The following ALPK2 variants were observed in gnomAD, a reference collection of about 807,000 sequenced individuals.
ALPK2 encodes the protein alpha-protein kinase 2.
Under a neutral mutation model 163.1 loss-of-function variants are expected in ALPK2, and 127 were observed. The observed-to-expected ratio is 0.78, with a 90% CI of 0.67 to 0.90. The LOEUF (loss-of-function observed/expected upper bound fraction) is 0.90. Among genes scored for constraint, ALPK2 ranks in the 40% least tolerant of loss-of-function variants. ALPK2 has a pLI of 0.00. For synonymous variants in ALPK2, 953 were observed against 959.1 expected (o/e 0.99, Z 0.12); for missense variants, 2,360 against 2,589.6 (o/e 0.91, Z 1.92).
chr18:58,532,360 A>G (rs1402961454), intron 5 of ALPK2, among the ~76,000 whole-genome samples: 4 of 152,202 alleles, frequency 2.6e-5, no homozygotes, highest in Non-Finnish European at 5.9e-5. Context: ...CGCCAGTGGC[A>G]ACTCCTCCGA....
intron 12 of ALPK2, among the ~76,000 whole-genome samples, chr18:58,483,415 A>T (rs1234220619): frequency 6.6e-6 from 1 of 152,096 alleles, no homozygotes; most frequent in Non-Finnish European, 1.5e-5. Flanking sequence ...CAACCCATTG[A>T]CCTCTTCAGC....
intron 6 of ALPK2, among the ~76,000 whole-genome samples, 165 bp from the exon 7 acceptor site, chr18:58,524,227 A>G (rs1473592760): frequency 1.3e-5 from 2 of 152,268 alleles, no homozygotes; most frequent in Non-Finnish European, 2.9e-5. Flanking sequence ...TAATTGATTT[A>G]TCCACAGAGG....
chr18:58,513,496 G>A (rs933790584), intron 10 of ALPK2, among the ~76,000 whole-genome samples: 1 of 152,174 alleles, frequency 6.6e-6, no homozygotes, highest in Non-Finnish European at 1.5e-5. Context: ...TGCAGCAAAT[G>A]AATCAGCCTC....
rs775408776 is a variant in ALPK2, at chr18:58,580,133, A to T, written c.643T>A (p.Leu215Met). The T allele has an allele frequency of 6.2e-7, 1 of 1,614,172 alleles. No homozygotes were observed. ...PSNTEEIANG[L>M]LFLNSSHIYE... The stretch of plus-strand genomic sequence containing the variant: ...ATATGACTTGAATTAAGAAAAAGCA[A>T]CCCATTTGCAATTTCTTCTGTGTTA... The change falls in exon 4 of 13, where the codon TTG becomes ATG. Residue 215 changes from leucine (L) to methionine (M), a missense_variant. Physicochemically the swap from Leu to Met is conservative, Grantham distance 15 (BLOSUM62 2). Transcript: ENST00000361673.
Position 58,524,052 on chromosome 18 carries a change from T to C in ALPK2, c.5512A>G (p.Asn1838Asp). 4 of 1,613,610 alleles carry C rather than the reference T, an allele frequency of 2.5e-6. No homozygotes were observed. The highest frequency in any genetic ancestry group is 3.4e-6 in the Non-Finnish European group (4 of 1,179,638). Residue 1838 changes from asparagine (N) to aspartate (D), a missense_variant, in exon 7 of 13, where the codon AAC becomes GAC. Asn to Asp is a conservative substitution (Grantham distance 23). Transcript: ENST00000361673. ...ACGATGGCAAAGGAAACAGTGGAGT[T>C]GTCCCCTGCACTGCAATGAGGAATA... Reference protein sequence around the residue: ...IAQVQRSAGDNSTVSFAIVQA... With the variant: ...IAQVQRSAGDDSTVSFAIVQA...
At chr18:58,522,440 A>G (rs1304339553) in intron 8 of ALPK2, among the ~76,000 whole-genome samples, 2 of 152,228 alleles carry the variant, frequency 1.3e-5, no homozygotes, top group African/African-American at 2.4e-5. Flanking sequence ...GAGGGAAGAC[A>G]CGGCAAACAC....
chr18:58,525,912 A>T (rs1245456513), intron 6 of ALPK2, among the ~76,000 whole-genome samples: 1 of 147,102 alleles, frequency 6.8e-6, no homozygotes. Context: ...GTTCTATCCA[A>T]CATTTGTGGA....
chr18:58,560,571 C>T (rs996097210), intron 4 of ALPK2, among the ~76,000 whole-genome samples: 1 of 152,168 alleles, frequency 6.6e-6, no homozygotes, highest in Non-Finnish European at 1.5e-5. Flanking sequence ...AGTGGGACCA[C>T]CTGGGTCAAA....
intron 4 of ALPK2, among the ~76,000 whole-genome samples, chr18:58,576,143 G>A (rs1215808254): frequency 1.3e-5 from 2 of 152,210 alleles, no homozygotes; most frequent in African/African-American, 4.8e-5. Flanking sequence ...GGAGGCTGAG[G>A]TGGGTGGATC....
At chr18:58,594,703 C>T (rs1324590225) in intron 3 of ALPK2, among the ~76,000 whole-genome samples, 1 of 152,188 alleles carries the variant, frequency 6.6e-6, no homozygotes, top group Admixed American at 6.5e-5. Context: ...AACTGCAATT[C>T]CATTCTACCA....
intron 4 of ALPK2, among the ~76,000 whole-genome samples, chr18:58,560,003 T>TACAG (rs2051817701): frequency 6.6e-6 from 1 of 152,160 alleles, no homozygotes; most frequent in East Asian, 1.9e-4. Context: ...TGGGCTACAA[T>TACAG]TAAGGTGTCA....
rs1457089829 is a variant in ALPK2, at chr18:58,533,527, A to G, written c.5353+1307T>C. On this transcript the variant is annotated intron_variant, in intron 5 of 12. Coordinates refer to ENST00000361673, the MANE Select transcript of ALPK2 (RefSeq NM_052947.4). ...GCAGCTGGAGTGTGGTGGTGTGATC[A>G]CAGCTCACTGTAGCCTCGACTTTCT... Among the ~76,000 whole-genome samples, 6 of 150,790 alleles carry G rather than the reference A, an allele frequency of 4.0e-5. No homozygotes were observed. In the Admixed American group the frequency reaches 4.0e-4, roughly 10 times the overall value.
chr18:58,572,981 C>T (rs1314135789), intron 4 of ALPK2, among the ~76,000 whole-genome samples: 14 of 152,124 alleles, frequency 9.2e-5, no homozygotes. Flanking sequence ...GCAAAGTGTA[C>T]TGTCATCTCT....
chr18:58,523,365 C>G (rs1200609410), intron 8 of ALPK2, among the ~76,000 whole-genome samples: 3 of 152,178 alleles, frequency 2.0e-5, no homozygotes, highest in African/African-American at 7.2e-5. Context: ...AATAGTGCCT[C>G]AATAAACATA....
chr18:58,627,657 A>G (rs371704155), intron 1 of ALPK2, among the ~76,000 whole-genome samples: 1 of 152,122 alleles, frequency 6.6e-6, no homozygotes, highest in Admixed American at 6.5e-5. Flanking sequence ...AAACAAAACA[A>G]AAAAAGGACA....
chr18:58,546,548 A>G (rs1300088022), intron 4 of ALPK2, among the ~76,000 whole-genome samples: 3 of 152,186 alleles, frequency 2.0e-5, no homozygotes, highest in Non-Finnish European at 2.9e-5. Flanking sequence ...TTTTTAACAC[A>G]CGGCAGGCAC....
intron 3 of ALPK2, among the ~76,000 whole-genome samples, chr18:58,598,724 T>A (rs186424950): frequency 3.0e-4 from 45 of 152,328 alleles, no homozygotes; most frequent in African/African-American, 9.9e-4. Context: ...TTTATGAGCT[T>A]TACCTTAGAG....
chr18:58,514,607 C>T (rs1044697698), intron 10 of ALPK2, among the ~76,000 whole-genome samples: 1 of 152,122 alleles, frequency 6.6e-6, no homozygotes, highest in African/African-American at 2.4e-5. Context: ...CATCATGGGA[C>T]TAATCGCCTT....
At chr18:58,616,219 A>G (rs1265236942) in intron 1 of ALPK2, among the ~76,000 whole-genome samples, 2 of 152,038 alleles carry the variant, frequency 1.3e-5, no homozygotes, top group African/African-American at 4.8e-5. Context: ...ATATATCTGT[A>G]TATTTATTGG....
Sources: gnomAD v4.1 joint callset for allele counts (sites outside exome capture counted in the v4.1 genomes callset) on GRCh38, gnomAD v4.1.1 for gene constraint, MANE v1.5 for transcripts, NCBI Gene and HGNC (gene_info 2026-07-23, HGNC 2026-07-21) for gene names.